PDS5A: variants seen among roughly 807,000 people sequenced by gnomAD.
The protein encoded by PDS5A is sister chromatid cohesion protein PDS5 homolog A.
Under a neutral mutation model 167.1 loss-of-function variants are expected in PDS5A, and 42 were observed. That is an observed-to-expected ratio of 0.25 (90% CI 0.20 to 0.33). PDS5A has a LOEUF of 0.33. PDS5A is among the 10% of genes least tolerant of loss of function. PDS5A has a pLI of 1.00. For missense variants in PDS5A, 1,033 were observed against 1,605.9 expected (o/e 0.64, Z 6.10); for synonymous variants, 553 against 554.6 (o/e 1.00, Z 0.04).
chr4:39,966,664 A>G (rs942985383), intron 2 of PDS5A, among the ~76,000 whole-genome samples: 1 of 152,206 alleles, frequency 6.6e-6, no homozygotes, highest in African/African-American at 2.4e-5. Context: ...TGTCTGGAGC[A>G]CTGCTCTCTG....
chr4:39,970,259 T>C (rs73229727), intron 2 of PDS5A, among the ~76,000 whole-genome samples: 10,861 of 152,000 alleles, frequency 0.071, 505 homozygotes, highest in Non-Finnish European at 0.1. Context: ...AAACATGGCA[T>C]GTTCAGGAAA....
intron 31 of PDS5A, among the ~76,000 whole-genome samples, chr4:39,838,416 A>T (rs1400012197): frequency 6.6e-6 from 1 of 152,228 alleles, no homozygotes; most frequent in Non-Finnish European, 1.5e-5. Context: ...TAATGTGCTC[A>T]ATAAATGCTC....
At chr4:39,837,354 C>T (rs562413678) in intron 32 of PDS5A, 45 of 153,588 alleles carry the variant, frequency 2.9e-4, no homozygotes, top group Non-Finnish European at 5.4e-4. Context: ...AATCTCAGCA[C>T]AAGAATGATC....
intron 2 of PDS5A, among the ~76,000 whole-genome samples, chr4:39,928,586 T>G (rs986575526): frequency 2.6e-5 from 4 of 152,198 alleles, no homozygotes; most frequent in African/African-American, 7.2e-5. Flanking sequence ...TTTCATTTCA[T>G]GCTTTAATGA....
intron 25 of PDS5A, among the ~76,000 whole-genome samples, chr4:39,862,626 A>T (rs1449044833): frequency 6.6e-6 from 1 of 152,206 alleles, no homozygotes; most frequent in African/African-American, 2.4e-5. Context: ...CATCCGAGCA[A>T]TATGTTCAAA....
At chr4:39,958,380 G>A (rs1258126922) in intron 2 of PDS5A, among the ~76,000 whole-genome samples, 2 of 151,340 alleles carry the variant, frequency 1.3e-5, no homozygotes, top group Non-Finnish European at 2.9e-5. Flanking sequence ...GGTGGTGTGC[G>A]CCTGTAGTAC....
chr4:39,942,573 T>A (rs1002005842), intron 2 of PDS5A, among the ~76,000 whole-genome samples: 1 of 152,072 alleles, frequency 6.6e-6, no homozygotes, highest in South Asian at 2.1e-4. Context: ...ACTAAAGTCA[T>A]GCACCACCAC....
In PDS5A at chr4:39,973,660, A is replaced by G; in HGVS notation, c.138+2780T>C. On this transcript the variant is annotated intron_variant, in intron 2 of 32. Transcript: ENST00000303538. ...AATGAACGGTAGAACTGTGGCCACA[A>G]AACCATCGTATGTAGCTTTAGCTCA... The G allele has an allele frequency of 6.9e-6, 9 of 1,304,786 alleles. No individual in the cohort carries two copies. In the South Asian group the frequency reaches 1.1e-4, roughly 15 times the overall value. The allele number at this position is 1,304,786 out of a possible 1,614,324, so 80.8% of individuals were successfully genotyped here.
chr4:39,916,422 T>C (rs964243429), intron 8 of PDS5A, among the ~76,000 whole-genome samples: 1 of 152,208 alleles, frequency 6.6e-6, no homozygotes, highest in Non-Finnish European at 1.5e-5. Context: ...GAGGATTACA[T>C]TTAAAATATT....
chr4:39,921,132 A>C (rs1241754144), intron 6 of PDS5A, among the ~76,000 whole-genome samples: 1 of 152,196 alleles, frequency 6.6e-6, no homozygotes, highest in Non-Finnish European at 1.5e-5. Context: ...AGGGGTCAGC[A>C]AACTTTTTCT....
intron 32 of PDS5A, among the ~76,000 whole-genome samples, chr4:39,830,293 A>C (rs1715741174): frequency 6.6e-6 from 1 of 152,194 alleles, no homozygotes; most frequent in Non-Finnish European, 1.5e-5. Flanking sequence ...AGGCTCAAGC[A>C]ATCCTCCTGC....
Position 39,896,765 on chromosome 4 carries a change from A to T in PDS5A, c.1770+1624T>A, listed in dbSNP as rs565583215. 1.6e-3 allele frequency among the ~76,000 whole-genome samples: 232 copies of T among 143,156 alleles called. 1 individual carries two copies. Among genetic ancestry groups the T allele is most frequent in the Admixed American group, 3.2e-3 (45 of 14,252 alleles). 93.9% of individuals were successfully genotyped at this position (143,156 alleles called of 152,430 possible). A position where few individuals can be genotyped will look rare whatever the true frequency, so the allele number is the denominator to read the frequency against. On this transcript the variant is annotated intron_variant, in intron 16 of 32. Coordinates refer to ENST00000303538, the MANE Select transcript of PDS5A (RefSeq NM_001100399.2). ...TGGGTGACAGAGCAAAACCCTGTTTAAAAAAAAAAAAAGAAAGTTTTAAAA... is the reference window on the plus strand; with the variant it reads ...TGGGTGACAGAGCAAAACCCTGTTTTAAAAAAAAAAAAGAAAGTTTTAAAA...
At chr4:39,837,346 T>A (rs1483168172) in intron 32 of PDS5A, 2 of 152,840 alleles carry the variant, frequency 1.3e-5, no homozygotes, top group East Asian at 3.8e-4. Context: ...AAGTCTGAAA[T>A]CTCAGCACAA....
rs949298197 is a variant in PDS5A, at chr4:39,823,057, A to G, written c.*2428T>C. 1 of 152,620 alleles carries G rather than the reference A, an allele frequency of 6.6e-6. No homozygotes were observed. Among genetic ancestry groups the G allele is most frequent in the Non-Finnish European group, 1.5e-5 (1 of 68,038 alleles). 9.5% of individuals were successfully genotyped at this position (152,620 alleles called of 1,614,324 possible). A position where few individuals can be genotyped will look rare whatever the true frequency, so the allele number is the denominator to read the frequency against. ...TTATACACACTTTTTATCAAAGGAGATACAAAATTCTGGCTTGTTGTTTTA... is the reference window on the plus strand; with the variant it reads ...TTATACACACTTTTTATCAAAGGAGGTACAAAATTCTGGCTTGTTGTTTTA... On this transcript the variant is annotated 3_prime_UTR_variant, in exon 33 of 33. Transcript: ENST00000303538.
At position 39,934,592 on chromosome 4, in the gene PDS5A, G is replaced by A. The variant is rs1051501075; in HGVS notation, c.139-6428C>T. Among the ~76,000 whole-genome samples the A allele has an allele frequency of 4.8e-5, 7 of 145,814 alleles. No homozygotes were observed. The East Asian group carries it at 8.5e-4, about 18-fold the overall frequency. On this transcript the variant is annotated intron_variant, in intron 2 of 32. Transcript: ENST00000303538. The stretch of plus-strand genomic sequence containing the variant: ...TACCCTCTGGCTATTTATCTATTGC[G>A]GTCTTAGTATTTCTTTTTTTTTCTT...
At position 39,837,987 on chromosome 4, in the gene PDS5A, G is replaced by C. The variant is rs959314223; in HGVS notation, c.3879C>G (p.Asn1293Lys). Residue 1293 changes from asparagine (N) to lysine (K), a missense_variant, in exon 32 of 33, where the codon AAC becomes AAG. Asn to Lys is a moderately conservative substitution (Grantham distance 94). This residue lies in a region of PDS5A where 233 missense variants were observed against 264.0 expected (regional missense o/e 0.88). Coordinates refer to ENST00000303538, the MANE Select transcript of PDS5A (RefSeq NM_001100399.2). ...CCACTGCAGCTCTCTTCCTTCCCTT[G>C]TTAATAGGTTTATTTAGATCATCAT... The part of the protein sequence containing the change: ...TKNDDLNKPI[N>K]KGRKRAAVGQ... 1 of 1,613,914 alleles carries C rather than the reference G, an allele frequency of 6.2e-7. No homozygotes were observed. The highest frequency in any genetic ancestry group is 1.3e-5 in the African/African-American group (1 of 75,014).
intron 16 of PDS5A, among the ~76,000 whole-genome samples, chr4:39,895,567 G>T (rs998259186): frequency 2.6e-5 from 4 of 152,198 alleles, no homozygotes; most frequent in Admixed American, 1.3e-4. Flanking sequence ...TGAATGTGAA[G>T]AAACAGGACA....
At chr4:39,847,578 T>C (rs1359929076) in intron 28 of PDS5A, 3 of 151,942 alleles carry the variant, frequency 2.0e-5, no homozygotes, top group Non-Finnish European at 2.9e-5. Flanking sequence ...CACTCCAGCG[T>C]GGGTGACGGA....
chr4:39,875,293 G>A (rs925325714), intron 19 of PDS5A, among the ~76,000 whole-genome samples: 2 of 152,106 alleles, frequency 1.3e-5, no homozygotes, highest in East Asian at 1.9e-4. Context: ...AACACATCTA[G>A]TAGATGAACA....
Sources: allele counts gnomAD v4.1 joint callset (sites outside exome capture counted in the v4.1 genomes callset), GRCh38; gene constraint gnomAD v4.1.1; regional missense constraint gnomAD v4.1.1; transcripts MANE v1.5; gene names NCBI Gene and HGNC (gene_info 2026-07-23, HGNC 2026-07-21).